The following GMDS variants were observed in gnomAD, a reference collection of about 807,000 sequenced individuals.
The protein encoded by GMDS is GDP-mannose 4,6-dehydratase, also known as GDP-mannose 4,6 dehydratase.
GMDS carries 20 observed loss-of-function variants against 49.9 expected under a neutral mutation model. The observed-to-expected ratio is 0.40, with a 90% confidence interval of 0.28 to 0.58. GMDS has a LOEUF of 0.58. Ranked by LOEUF, GMDS falls within the 20% of genes least tolerant of loss-of-function variation. GMDS has a pLI of 0.42. For missense variants in GMDS, 362 were observed against 481.4 expected (o/e 0.75, Z 2.32); for synonymous variants, 177 against 178.6 (o/e 0.99, Z 0.07).
At chr6:1,734,470 C>T (rs2113464245) in intron 8 of GMDS, among the ~76,000 whole-genome samples, 1 of 152,318 alleles carries the variant, frequency 6.6e-6, no homozygotes, top group East Asian at 1.9e-4. Context: ...ATTCACAGGG[C>T]TGAACAATTT....
rs75258302 is a variant in GMDS, at chr6:1,724,868, C to T, written c.987+1548G>A. Among the ~76,000 whole-genome samples the T allele has an allele frequency of 9.5e-4, 144 of 152,316 alleles. 1 individual carries two copies. The East Asian group carries it at 0.023, about 25-fold the overall frequency. On this transcript the variant is annotated intron_variant, in intron 9 of 10. Coordinates refer to ENST00000380815, the MANE Select transcript of GMDS (RefSeq NM_001500.4). ...AACAATGGTTCACTGTGTCAGAGCC[C>T]CGGCCACGCCCTGTGCCCGGACAAT...
intron 1 of GMDS, among the ~76,000 whole-genome samples, chr6:2,213,237 G>A (rs561924934): frequency 1.1e-4 from 17 of 152,270 alleles, no homozygotes; most frequent in Admixed American, 7.2e-4. Context: ...CTCAAAATAC[G>A]TAGCAAGGAA....
intron 7 of GMDS, among the ~76,000 whole-genome samples, chr6:1,772,789 T>C (rs1180942168): frequency 6.6e-6 from 1 of 152,198 alleles, no homozygotes; most frequent in Non-Finnish European, 1.5e-5. Flanking sequence ...TCGCTTCCTC[T>C]CCACTGTTCT....
At chr6:1,978,036 T>G (rs1179530416) in intron 4 of GMDS, among the ~76,000 whole-genome samples, 1 of 152,170 alleles carries the variant, frequency 6.6e-6, no homozygotes, top group Non-Finnish European at 1.5e-5. Flanking sequence ...GTCTTGGAAT[T>G]CCAGCTGGCC....
chr6:2,052,689 T>C (rs751481312), intron 4 of GMDS, among the ~76,000 whole-genome samples: 1 of 152,208 alleles, frequency 6.6e-6, no homozygotes, highest in Admixed American at 6.5e-5. Flanking sequence ...TGCAAGACAA[T>C]TGTAAGAATT....
chr6:1,790,462 T>C (rs1367384398), intron 7 of GMDS, among the ~76,000 whole-genome samples: 1 of 152,198 alleles, frequency 6.6e-6, no homozygotes, highest in African/African-American at 2.4e-5. Context: ...TGAAGTTGGC[T>C]TTTAAAACTC....
intron 9 of GMDS, among the ~76,000 whole-genome samples, chr6:1,647,432 G>C (rs1763521114): frequency 6.6e-6 from 1 of 152,200 alleles, no homozygotes; most frequent in African/African-American, 2.4e-5. Flanking sequence ...TCCCCAGCAG[G>C]CTGAAGGGTC....
intron 7 of GMDS, among the ~76,000 whole-genome samples, chr6:1,918,246 T>C (rs756232217): frequency 6.6e-5 from 10 of 152,042 alleles, no homozygotes; most frequent in Non-Finnish European, 1.0e-4. Context: ...ACAAATGAGA[T>C]CCTTGAAAAC....
At chr6:1,935,398 A>C (rs1435682951) in intron 6 of GMDS, among the ~76,000 whole-genome samples, 2 of 152,190 alleles carry the variant, frequency 1.3e-5, no homozygotes, top group African/African-American at 2.4e-5. Context: ...TAAAGGAGAA[A>C]ATCTAGGTTT....
intron 7 of GMDS, among the ~76,000 whole-genome samples, chr6:1,925,411 T>G (rs1761946197): frequency 6.6e-6 from 1 of 152,256 alleles, no homozygotes; most frequent in East Asian, 1.9e-4. Flanking sequence ...ATTGTGAAAA[T>G]TTTTACAAGT....
chr6:1,843,148 T>TA (rs1394761225), intron 7 of GMDS, among the ~76,000 whole-genome samples: 1 of 151,630 alleles, frequency 6.6e-6, no homozygotes, highest in African/African-American at 2.4e-5. Flanking sequence ...TAAAATAAAA[T>TA]AAAGAGAATT....
At chr6:1,655,862 C>T (rs1365960031) in intron 9 of GMDS, among the ~76,000 whole-genome samples, 1 of 152,208 alleles carries the variant, frequency 6.6e-6, no homozygotes, top group African/African-American at 2.4e-5. Context: ...CCTGCGGATA[C>T]ATTCCCAGAT....
At chr6:2,229,851 T>C (rs893822960) in intron 1 of GMDS, among the ~76,000 whole-genome samples, 1 of 152,194 alleles carries the variant, frequency 6.6e-6, no homozygotes, top group African/African-American at 2.4e-5. Flanking sequence ...TGAAGAATAC[T>C]AAATTGTAAC....
chr6:2,003,116 A>G (rs901992918), intron 4 of GMDS, among the ~76,000 whole-genome samples: 1 of 152,204 alleles, frequency 6.6e-6, no homozygotes, highest in Non-Finnish European at 1.5e-5. Context: ...TACTTGTAAA[A>G]GAGTGTCAGA....
At chr6:1,754,469 A>G (rs953846888) in intron 7 of GMDS, among the ~76,000 whole-genome samples, 3 of 152,232 alleles carry the variant, frequency 2.0e-5, no homozygotes, top group African/African-American at 4.8e-5. Context: ...AGCTGGTACC[A>G]TTCCTTCTGA....
intron 7 of GMDS, among the ~76,000 whole-genome samples, chr6:1,784,364 C>A (rs1009709189): frequency 8.5e-5 from 12 of 140,380 alleles, no homozygotes; most frequent in Admixed American, 4.6e-4. Flanking sequence ...TGCACTCCAG[C>A]CTGGGTGACA....
At chr6:1,699,457 G>A (rs539631917) in intron 9 of GMDS, among the ~76,000 whole-genome samples, 281 of 152,156 alleles carry the variant, frequency 1.8e-3, no homozygotes, top group Middle Eastern at 3.4e-3. Context: ...AGGTGTAGGG[G>A]TTTAAAACAA....
chr6:2,244,111 C>A (rs2127604464), intron 1 of GMDS, among the ~76,000 whole-genome samples: 1 of 152,100 alleles, frequency 6.6e-6, no homozygotes, highest in East Asian at 1.9e-4. Context: ...CTCGAGCAAT[C>A]CTTCCACCTC....
intron 9 of GMDS, among the ~76,000 whole-genome samples, chr6:1,693,318 A>T (rs745353772): frequency 2.0e-5 from 3 of 152,058 alleles, no homozygotes; most frequent in Non-Finnish European, 2.9e-5. Context: ...ACCTCTGCAG[A>T]TCTCTGGAGC....
Sources: gnomAD v4.1 joint callset for allele counts (sites outside exome capture counted in the v4.1 genomes callset) on GRCh38, gnomAD v4.1.1 for gene constraint, MANE v1.5 for transcripts, NCBI Gene and HGNC (gene_info 2026-07-23, HGNC 2026-07-21) for gene names.